The following EEIG1 variants were observed in gnomAD, a reference collection of about 807,000 sequenced individuals.
EEIG1 encodes estrogen-induced osteoclastogenesis regulator 1, also known as early estrogen-induced gene 1 protein.
At chr9:127,943,298 T>C in the EEIG1 span, 4 of 1,509,798 alleles carry the variant, frequency 2.6e-6, no homozygotes, top group East Asian at 2.3e-5. Context: ...AGCGCTCCAC[T>C]GGACCAGGCC....
the EEIG1 span, chr9:127,945,408 C>T: frequency 9.5e-6 from 15 of 1,581,920 alleles, no homozygotes; most frequent in Admixed American, 7.1e-5. This position sits in a 1 kb window ranked among gnomAD's most constrained non-coding sequence, Gnocchi z 6.5. Context: ...GGGGTGGCCG[C>T]GGCGGCTTCT....
the EEIG1 span, among the ~76,000 whole-genome samples, chr9:127,968,654 G>A: frequency 1.3e-5 from 2 of 152,192 alleles, no homozygotes; most frequent in Non-Finnish European, 2.9e-5. Flanking sequence ...TGCTGGCTCT[G>A]CCACCCAGCT....
At chr9:127,952,311 A>G in the EEIG1 span, among the ~76,000 whole-genome samples, 1 of 152,230 alleles carries the variant, frequency 6.6e-6, no homozygotes, top group African/African-American at 2.4e-5. Context: ...CGCCCTGTAT[A>G]GCGCCTCCCT....
At chr9:127,960,769 C>T in the EEIG1 span, among the ~76,000 whole-genome samples, 1 of 152,138 alleles carries the variant, frequency 6.6e-6, no homozygotes, top group Non-Finnish European at 1.5e-5. Flanking sequence ...ATTTGCAGTT[C>T]CAGGGCCAAG....
the EEIG1 span, chr9:127,945,407 G>T: frequency 6.3e-7 from 1 of 1,582,124 alleles, no homozygotes. This position sits in a 1 kb window ranked among gnomAD's most constrained non-coding sequence, Gnocchi z 6.5. Context: ...CGGGGTGGCC[G>T]CGGCGGCTTC....
the EEIG1 span, among the ~76,000 whole-genome samples, chr9:127,978,379 C>A: frequency 1.4e-4 from 22 of 152,306 alleles, no homozygotes; most frequent in African/African-American, 4.1e-4. Flanking sequence ...CCGCCTATAA[C>A]ACGCACACAT....
the EEIG1 span, among the ~76,000 whole-genome samples, chr9:127,949,495 A>C: frequency 4.6e-5 from 7 of 152,240 alleles, no homozygotes; most frequent in Non-Finnish European, 8.8e-5. Context: ...CTTGAACCCA[A>C]GGCTACCTGG....
chr9:127,969,620 C>T, the EEIG1 span, among the ~76,000 whole-genome samples: 2 of 152,040 alleles, frequency 1.3e-5, no homozygotes, highest in African/African-American at 4.8e-5. Flanking sequence ...AGGAGCCTGC[C>T]CTCCCCATGA....
chr9:127,946,209 G>GCAGAGGCCCCGAGGCTGGAAGGGGC, the EEIG1 span, among the ~76,000 whole-genome samples: 1 of 152,244 alleles, frequency 6.6e-6, no homozygotes, highest in Non-Finnish European at 1.5e-5. Context: ...AACAGCATCG[G>GCAGAGGCCCCGAGGCTGGAAGGGGC]CAGAGGCCCC....
chr9:127,947,119 A>C, the EEIG1 span, among the ~76,000 whole-genome samples: 1 of 152,114 alleles, frequency 6.6e-6, no homozygotes, highest in Non-Finnish European at 1.5e-5. Context: ...ATAAAAACAG[A>C]GTGCCCAGCC....
chr9:127,955,107 G>A, the EEIG1 span, among the ~76,000 whole-genome samples: 1 of 152,180 alleles, frequency 6.6e-6, no homozygotes, highest in Non-Finnish European at 1.5e-5. Context: ...TGTGAGAGAC[G>A]TTATCTCCAG....
chr9:127,962,071 A>G, the EEIG1 span, among the ~76,000 whole-genome samples: 1 of 152,248 alleles, frequency 6.6e-6, no homozygotes, highest in Non-Finnish European at 1.5e-5. Flanking sequence ...AGGCAACGCC[A>G]GAAGAGAAGG....
chr9:127,941,426 C>G, the EEIG1 span: 1 of 152,602 alleles, frequency 6.6e-6, no homozygotes, highest in Admixed American at 6.5e-5. Flanking sequence ...GGACACTGTG[C>G]GGTCAGCTTC....
At chr9:127,941,249 G>A in the EEIG1 span, 1 of 152,286 alleles carries the variant, frequency 6.6e-6, no homozygotes, top group African/African-American at 2.4e-5. Context: ...CTGGTCTGGA[G>A]GAGTCTCCCC....
chr9:127,957,577 G>T, the EEIG1 span, among the ~76,000 whole-genome samples: 2 of 152,214 alleles, frequency 1.3e-5, no homozygotes, highest in East Asian at 1.9e-4. Context: ...CCCCACGCTG[G>T]CTTCTTGGCA....
chr9:127,943,614 C>A, the EEIG1 span: 85 of 245,734 alleles, frequency 3.5e-4, no homozygotes, highest in African/African-American at 1.3e-3. Flanking sequence ...CTTTCCCTGC[C>A]GAGCCCAGGC....
the EEIG1 span, among the ~76,000 whole-genome samples, chr9:127,965,741 T>A: frequency 1.3e-5 from 2 of 152,182 alleles, no homozygotes; most frequent in Non-Finnish European, 2.9e-5. Flanking sequence ...ATCGACAACA[T>A]CTGCCTTGTG....
chr9:127,942,839 G>T, the EEIG1 span: 1 of 343,690 alleles, frequency 2.9e-6, no homozygotes, highest in East Asian at 6.6e-5. Context: ...ACATTTAGGA[G>T]CCGCTGCATG....
chr9:127,970,264 G>T, the EEIG1 span, among the ~76,000 whole-genome samples: 3 of 152,202 alleles, frequency 2.0e-5, no homozygotes, highest in South Asian at 6.2e-4. Flanking sequence ...TTACAGGCAT[G>T]CGCCACCATG....
Sources: allele counts gnomAD v4.1 joint callset (sites outside exome capture counted in the v4.1 genomes callset), GRCh38; gene constraint gnomAD v4.1.1; non-coding constraint Gnocchi (gnomAD v3.1); transcripts MANE v1.5; gene names NCBI Gene and HGNC (gene_info 2026-07-23, HGNC 2026-07-21).